Variants in CLVS2 observed in about 807,000 individuals in gnomAD.
CLVS2 encodes the protein clavesin-2.
In CLVS2, 19 loss-of-function variants were observed where a neutral mutation model predicts 29.0. The observed-to-expected ratio is 0.66, with a 90% confidence interval of 0.46 to 0.96. CLVS2 has a LOEUF of 0.96. Among genes scored for constraint, CLVS2 ranks in the 40% least tolerant of loss-of-function variants. The pLI is 0.00. For synonymous variants in CLVS2, 161 were observed against 151.3 expected (o/e 1.06, Z -0.47); for missense variants, 294 against 404.1 (o/e 0.73, Z 2.34).
At chr6:123,026,781 C>A (rs907271411) in intron 3 of CLVS2, among the ~76,000 whole-genome samples, 3 of 151,948 alleles carry the variant, frequency 2.0e-5, no homozygotes, top group Non-Finnish European at 4.4e-5. Flanking sequence ...TGGTAGCCAT[C>A]AATAAGCACC....
intron 3 of CLVS2, 143 bp downstream of exon 3, chr6:123,011,302 T>C (rs1209961405): frequency 3.6e-6 from 2 of 558,608 alleles, no homozygotes; most frequent in Non-Finnish European, 6.0e-6. Flanking sequence ...ATTAAAATAC[T>C]AACTGAAGAA....
intron 3 of CLVS2, 73 bp from the exon 4 acceptor site, chr6:123,048,549 C>CATATACAAAT: frequency 1.0e-6 from 1 of 964,628 alleles, no homozygotes; most frequent in East Asian, 2.4e-5. Flanking sequence ...ATTTGTATAC[C>CATATACAAAT]ATATAACCTT....
chr6:123,012,485 C>T (rs4266510), intron 3 of CLVS2, among the ~76,000 whole-genome samples: 110,682 of 151,304 alleles, frequency 0.73, 40,927 homozygotes, highest in East Asian at 0.91. Flanking sequence ...TCATATTTTT[C>T]TTTCCCAAGA....
At position 123,018,390 on chromosome 6, in the gene CLVS2, G is replaced by GT. The variant is rs577189258; in HGVS notation, c.564+7237dup. On this transcript the variant is annotated intron_variant, in intron 3 of 5. Transcript: ENST00000275162. ...AGAACACTAGGACTCAATGGCATCG[G>GT]TTTTTTCTGTAGATACTGATGAAAT... Among the ~76,000 whole-genome samples the GT allele has an allele frequency of 6.6e-4, 100 of 152,030 alleles. 2 individuals carry two copies. The South Asian group carries it at 0.019, about 29-fold the overall frequency.
At chr6:123,053,868 G>A (rs1772650747) in intron 4 of CLVS2, among the ~76,000 whole-genome samples, 1 of 152,106 alleles carries the variant, frequency 6.6e-6, no homozygotes, top group Non-Finnish European at 1.5e-5. Context: ...GAGAGAGGAC[G>A]AATTCTAGTG....
At chr6:123,032,124 C>A (rs1180286251) in intron 3 of CLVS2, among the ~76,000 whole-genome samples, 2 of 152,048 alleles carry the variant, frequency 1.3e-5, no homozygotes, top group African/African-American at 4.8e-5. Context: ...TAACTCTTAA[C>A]TTAAACCTAC....
At chr6:122,999,622 A>T (rs1774560674) in intron 2 of CLVS2, among the ~76,000 whole-genome samples, 1 of 152,226 alleles carries the variant, frequency 6.6e-6, no homozygotes, top group African/African-American at 2.4e-5. Flanking sequence ...CTAAAAGTAC[A>T]TTGTAGGATC....
chr6:123,060,296 C>G (rs773151908), intron 5 of CLVS2, among the ~76,000 whole-genome samples: 1 of 152,174 alleles, frequency 6.6e-6, no homozygotes, highest in Non-Finnish European at 1.5e-5. Context: ...GCAAAGTTCA[C>G]TAGACTAAGT....
chr6:123,062,107 G>T (rs190248893), intron 5 of CLVS2, among the ~76,000 whole-genome samples: 3 of 152,118 alleles, frequency 2.0e-5, no homozygotes, highest in Admixed American at 6.5e-5. Flanking sequence ...TATGGAACTT[G>T]CAGTCTAGTG....
At chr6:122,998,675 G>A (rs542118295) in intron 2 of CLVS2, among the ~76,000 whole-genome samples, 75 of 152,294 alleles carry the variant, frequency 4.9e-4, no homozygotes, top group African/African-American at 1.7e-3. Flanking sequence ...TGCTTGGGAA[G>A]TTCTCTGTTT....
chr6:123,036,925 C>T (rs1028232821), intron 3 of CLVS2, among the ~76,000 whole-genome samples: 17 of 152,156 alleles, frequency 1.1e-4, no homozygotes, highest in African/African-American at 3.1e-4. Flanking sequence ...TTCTCTCCAA[C>T]ACGTTAGTCG....
intron 4 of CLVS2, among the ~76,000 whole-genome samples, chr6:123,054,125 A>C (rs1462300777): frequency 1.3e-5 from 2 of 152,056 alleles, no homozygotes; most frequent in Non-Finnish European, 2.9e-5. Context: ...TATTACCATG[A>C]CTCTTGCATG....
intron 4 of CLVS2, among the ~76,000 whole-genome samples, chr6:123,049,042 CA>C (rs1325390959): frequency 1.3e-5 from 2 of 152,136 alleles, no homozygotes; most frequent in African/African-American, 2.4e-5. Context: ...GTTATTGATG[CA>C]CTTAATTTGA....
intron 3 of CLVS2, among the ~76,000 whole-genome samples, chr6:123,019,654 C>A (rs1305695740): frequency 6.6e-6 from 1 of 152,114 alleles, no homozygotes; most frequent in African/African-American, 2.4e-5. Context: ...GTAAATTATT[C>A]CTGTAAATTC....
chr6:123,009,976 A>G (rs1417411166), intron 2 of CLVS2, among the ~76,000 whole-genome samples: 1 of 151,998 alleles, frequency 6.6e-6, no homozygotes, highest in Non-Finnish European at 1.5e-5. Context: ...TGGGTATACT[A>G]CATGTTTCTC....
intron 3 of CLVS2, among the ~76,000 whole-genome samples, chr6:123,037,912 A>G (rs988541022): frequency 1.3e-5 from 2 of 152,152 alleles, no homozygotes; most frequent in African/African-American, 4.8e-5. Flanking sequence ...GCACAGCTTT[A>G]ATGTGTCACA....
At chr6:123,043,373 T>A (rs1231683070) in intron 3 of CLVS2, among the ~76,000 whole-genome samples, 1 of 152,132 alleles carries the variant, frequency 6.6e-6, no homozygotes, top group East Asian at 1.9e-4. Context: ...ATTAATGCAA[T>A]ATTTTAGGTC....
At chr6:123,045,243 A>G (rs1232758088) in intron 3 of CLVS2, among the ~76,000 whole-genome samples, 2 of 152,152 alleles carry the variant, frequency 1.3e-5, no homozygotes, top group Non-Finnish European at 2.9e-5. Context: ...AACAAAACAG[A>G]AATCTCTTTG....
In CLVS2 at chr6:123,069,244, T is replaced by C. The variant is rs938340173; in HGVS notation, c.*5483T>C. ...ATAACTAGGGTTTTCACATTTGCAA[T>C]AGAATGACTGGATTAGGCAAGAGAT... is the stretch of plus-strand genomic sequence containing the variant. On this transcript the variant is annotated 3_prime_UTR_variant, in exon 6 of 6. Transcript: ENST00000275162. 11 of 151,708 alleles carry C rather than the reference T, an allele frequency of 7.3e-5. No individual in the cohort carries two copies. The highest frequency in any genetic ancestry group is 1.6e-4 in the Non-Finnish European group (11 of 67,794). The allele number at this position is 151,708 out of a possible 1,614,324, so 9.4% of individuals were successfully genotyped here.
Sources: gnomAD v4.1 joint callset for allele counts (sites outside exome capture counted in the v4.1 genomes callset) on GRCh38, gnomAD v4.1.1 for gene constraint, MANE v1.5 for transcripts, NCBI Gene and HGNC (gene_info 2026-07-23, HGNC 2026-07-21) for gene names.